The following ZMIZ1 variants were observed in gnomAD, a reference collection of about 807,000 sequenced individuals.
ZMIZ1 encodes zinc finger MIZ-type containing 1, also known as zinc finger MIZ domain-containing protein 1.
Under a neutral mutation model 113.9 loss-of-function variants are expected in ZMIZ1, and 17 were observed. That is an observed-to-expected ratio of 0.15 (90% CI 0.10 to 0.22). ZMIZ1 has a LOEUF of 0.22. ZMIZ1 is among the 10% of genes least tolerant of loss of function. The pLI, the probability that ZMIZ1 is intolerant of heterozygous loss-of-function variation, is 1.00. For synonymous variants in ZMIZ1, 607 were observed against 603.1 expected (o/e 1.01, Z -0.09); for missense variants, 1,059 against 1,477.8 (o/e 0.72, Z 4.65).
rs1213787394 is a variant in ZMIZ1, at chr10:79,296,741, G to C, written c.1413+88G>C. 7.5e-7 allele frequency: 1 copy of C among 1,334,262 alleles called. No homozygotes were observed. Among genetic ancestry groups the C allele is most frequent in the Non-Finnish European group, 1.0e-6 (1 of 992,432 alleles). 82.7% of individuals were successfully genotyped at this position (1,334,262 alleles called of 1,614,324 possible). On this transcript the variant is annotated intron_variant, in intron 13 of 24. Coordinates refer to ENST00000334512, the MANE Select transcript of ZMIZ1 (RefSeq NM_020338.4). The surrounding 1 kb of genome is among the most constrained non-coding windows in gnomAD (Gnocchi z 4.1). ...ACTCCACCGGGATCACTCTGACCCTGCGTGTGTTTGCCCCAAGGACAGCGA... is the reference window on the plus strand; with the variant it reads ...ACTCCACCGGGATCACTCTGACCCTCCGTGTGTTTGCCCCAAGGACAGCGA...
At chr10:79,198,364 G>A (rs2132641642) in intron 4 of ZMIZ1, among the ~76,000 whole-genome samples, 1 of 152,188 alleles carries the variant, frequency 6.6e-6, no homozygotes, top group East Asian at 1.9e-4. Flanking sequence ...GAACAGGCGG[G>A]CATTTGTTTT....
At position 79,291,095 on chromosome 10, in the gene ZMIZ1, A is replaced by G. The variant is rs754132733; in HGVS notation, c.677A>G (p.Lys226Arg). The G allele has an allele frequency of 1.9e-6, 3 of 1,614,214 alleles. No individual in the cohort carries two copies. The highest frequency in any genetic ancestry group is 2.5e-6 in the Non-Finnish European group (3 of 1,180,036). ...FAGQQQQFSAKAGPAQPYIQQ... is the reference protein window; with the variant it reads ...FAGQQQQFSARAGPAQPYIQQ... ...GGGCAGCAGCAGCAGTTCTCAGCCA[A>G]GGCTGGCCCCGCTCAGCCCTACATC... The change falls in exon 10 of 25, where the codon AAG becomes AGG. Residue 226 changes from lysine (K) to arginine (R), a missense_variant. Around this residue, in one of 6 missense-constraint regions of ZMIZ1, gnomAD observed 272 missense variants for 350.4 expected, o/e 0.78. Transcript: ENST00000334512.
At chr10:79,244,399 G>C (rs556340986) in intron 7 of ZMIZ1, among the ~76,000 whole-genome samples, 1 of 152,356 alleles carries the variant, frequency 6.6e-6, no homozygotes, top group African/African-American at 2.4e-5. Flanking sequence ...CTAAGAGGAG[G>C]CTGCCTGGGG....
Position 79,111,868 on chromosome 10 carries a change from G to A in ZMIZ1, c.-336-7047G>A, listed in dbSNP as rs555993845. On this transcript the variant is annotated intron_variant, in intron 1 of 24. Coordinates refer to ENST00000334512, the MANE Select transcript of ZMIZ1 (RefSeq NM_020338.4). Reference sequence around the variant, plus strand: ...TCGGGGGCTATAGGCTGGGAGCTGGGGTGGTTTGTTTGAGTGTTTGGAACA... The same window carrying A: ...TCGGGGGCTATAGGCTGGGAGCTGGAGTGGTTTGTTTGAGTGTTTGGAACA... Among the ~76,000 whole-genome samples the A allele has an allele frequency of 1.3e-4, 20 of 152,334 alleles. No homozygotes were observed. In the East Asian group the frequency reaches 2.3e-3, roughly 18 times the overall value.
rs375802307 is a variant in ZMIZ1, at chr10:79,309,391, C to T, written c.2836-1533C>T. Among the ~76,000 whole-genome samples the T allele has an allele frequency of 6.1e-4, 93 of 152,308 alleles. 1 individual carries two copies. The highest frequency in any genetic ancestry group is 3.4e-3 in the Middle Eastern group (1 of 294). On this transcript the variant is annotated intron_variant, in intron 23 of 24. Transcript: ENST00000334512. ...CCCCTCCCTGCTCTCCCAGGGTGGGCACTGAGGGCATCTACAGGAGTGGGA... is the reference window on the plus strand; with the variant it reads ...CCCCTCCCTGCTCTCCCAGGGTGGGTACTGAGGGCATCTACAGGAGTGGGA...
chr10:79,192,378 A>G (rs1206503932), intron 4 of ZMIZ1, among the ~76,000 whole-genome samples: 5 of 152,212 alleles, frequency 3.3e-5, no homozygotes, highest in Non-Finnish European at 7.3e-5. Flanking sequence ...TGAAGCCCCC[A>G]CTCTGAAATG....
chr10:79,232,311 A>C (rs1396272087), intron 7 of ZMIZ1, among the ~76,000 whole-genome samples: 2 of 152,196 alleles, frequency 1.3e-5, no homozygotes. Flanking sequence ...CCCCTCAAAA[A>C]ATCACTTATG....
intron 4 of ZMIZ1, among the ~76,000 whole-genome samples, chr10:79,167,791 T>C (rs1031824260): frequency 1.3e-5 from 2 of 151,906 alleles, no homozygotes; most frequent in African/African-American, 4.8e-5. Flanking sequence ...GCTAGGAGGG[T>C]GAGAGCCTTT....
In ZMIZ1 at chr10:79,289,797, T is replaced by G. The variant is rs767388987; in HGVS notation, c.448T>G (p.Ser150Ala). ...CAGTGATGGGTCGTTCCCCTATGAC[T>G]CTGTCCCTTGGCAGCAGAACACCAA... ...SHSDGSFPYD[S>A]VPWQQNTNQP... Residue 150 changes from serine to alanine, a missense_variant, in exon 9 of 25, where the codon TCT becomes GCT. Ser to Ala is a moderately conservative substitution (Grantham distance 99). Transcript: ENST00000334512. The G allele has an allele frequency of 6.2e-6, 10 of 1,614,030 alleles. No homozygotes were observed. In the South Asian group the frequency reaches 8.8e-5, roughly 14 times the overall value.
At chr10:79,246,424 C>T (rs1850201343) in intron 7 of ZMIZ1, among the ~76,000 whole-genome samples, 1 of 151,906 alleles carries the variant, frequency 6.6e-6, no homozygotes. Flanking sequence ...GCGAGGCTCT[C>T]TGGGCAAGGG....
At chr10:79,207,535 C>T (rs936986440) in intron 5 of ZMIZ1, among the ~76,000 whole-genome samples, 8 of 151,964 alleles carry the variant, frequency 5.3e-5, no homozygotes, top group Admixed American at 3.3e-4. Context: ...AGCCCTGCAG[C>T]CTGGGCCTGA....
At chr10:79,103,389 C>G (rs1056421057) in intron 1 of ZMIZ1, among the ~76,000 whole-genome samples, 1 of 152,130 alleles carries the variant, frequency 6.6e-6, no homozygotes, top group Non-Finnish European at 1.5e-5. Flanking sequence ...CTGTTGCCCC[C>G]ACCCAGGCAA....
chr10:79,276,300 AGCTGAGACACGATGGACAGCCCAG>A (rs552420877), intron 7 of ZMIZ1, among the ~76,000 whole-genome samples: 2 of 152,328 alleles, frequency 1.3e-5, no homozygotes, highest in East Asian at 1.9e-4. Context: ...AGGACAGGCC[AGCTGAGACACGATGGACAGCCCAG>A]GCTGAGACAC....
rs61853178 is a variant in ZMIZ1, at chr10:79,132,950, C to T, written c.-226-6732C>T. 7.4e-3 allele frequency among the ~76,000 whole-genome samples: 1,120 copies of T among 152,286 alleles called. 11 individuals carry two copies. The highest frequency in any genetic ancestry group is 9.4e-3 in the Non-Finnish European group (638 of 68,018). ...TGCTCCGATGAGCTGGACCAGCTGC[C>T]TCTTAATGACCTGTCGACCTGGCCC... is the stretch of plus-strand genomic sequence containing the variant. On this transcript the variant is annotated intron_variant, in intron 2 of 24. Transcript: ENST00000334512.
At chr10:79,301,971 G>A in intron 17 of ZMIZ1, 136 bp from the exon 18 acceptor site, 1 of 768,812 alleles carries the variant, frequency 1.3e-6, no homozygotes, top group Non-Finnish European at 2.2e-6. Context: ...AGGCTCGCAA[G>A]TCCCAGGAGA....
At chr10:79,249,190 T>C (rs1369204812) in intron 7 of ZMIZ1, among the ~76,000 whole-genome samples, 1 of 152,210 alleles carries the variant, frequency 6.6e-6, no homozygotes, top group African/African-American at 2.4e-5. Flanking sequence ...TGCCATGGCA[T>C]GGCCCAGGAA....
At chr10:79,132,786 G>A (rs1298645887) in intron 2 of ZMIZ1, among the ~76,000 whole-genome samples, 1 of 152,088 alleles carries the variant, frequency 6.6e-6, no homozygotes, top group East Asian at 1.9e-4. Flanking sequence ...GGCAGGGCCA[G>A]GGACTGTGTT....
intron 4 of ZMIZ1, among the ~76,000 whole-genome samples, chr10:79,173,177 T>C (rs1846677645): frequency 6.6e-6 from 1 of 152,200 alleles, no homozygotes; most frequent in Non-Finnish European, 1.5e-5. Context: ...GGCACTGGCC[T>C]AGGGCAAGCT....
intron 7 of ZMIZ1, among the ~76,000 whole-genome samples, chr10:79,260,159 C>T (rs1365391499): frequency 6.6e-6 from 1 of 152,238 alleles, no homozygotes; most frequent in Non-Finnish European, 1.5e-5. Context: ...CTTTGTGTAC[C>T]TGCAGTGCCC....
Sources: allele counts gnomAD v4.1 joint callset (sites outside exome capture counted in the v4.1 genomes callset), GRCh38; gene constraint gnomAD v4.1.1; regional missense constraint gnomAD v4.1.1; non-coding constraint Gnocchi (gnomAD v3.1); transcripts MANE v1.5; gene names NCBI Gene and HGNC (gene_info 2026-07-23, HGNC 2026-07-21).